The following TMEM45B variants were observed in gnomAD, a reference collection of about 807,000 sequenced individuals.
The protein encoded by TMEM45B is transmembrane protein 45B.
A neutral mutation model predicts 27.3 loss-of-function variants in TMEM45B; 29 were observed. The observed-to-expected ratio is 1.06, with a 90% CI of 0.79 to 1.45. The LOEUF is 1.45. Ranked by LOEUF, TMEM45B falls within the 40% of genes most tolerant of loss-of-function variation. The pLI is 0.00. For synonymous variants in TMEM45B, 143 were observed against 134.7 expected, an observed-to-expected ratio of 1.06 and a Z score of -0.43; for missense variants, 348 against 343.9, an observed-to-expected ratio of 1.01 and a Z score of -0.09.
chr11:129,850,041 C>T (rs1312152000), intron 1 of TMEM45B, among the ~76,000 whole-genome samples: 1 of 152,192 alleles, frequency 6.6e-6, no homozygotes, highest in African/African-American at 2.4e-5. Context: ...CTCTCCTACA[C>T]ACACGTTTTT....
chr11:129,832,870 T>G (rs1415973864), intron 1 of TMEM45B, among the ~76,000 whole-genome samples: 1 of 152,268 alleles, frequency 6.6e-6, no homozygotes, highest in South Asian at 2.1e-4. Flanking sequence ...TTAGTAAGGT[T>G]GAAATCTTTG....
Position 129,858,584 on chromosome 11 carries a change from C to G in TMEM45B, c.727C>G (p.Arg243Gly). ...NYSLVYCLLT[R>G]MKRHGRGEII... The stretch of plus-strand genomic sequence containing the variant: ...CTTTCTCTATTAAAGCCTTTTGACT[C>G]GGATGAAGAGACACGGAAGGGGAGA... The change falls in exon 6 of 6, where the codon CGG becomes GGG. Residue 243 changes from arginine (R) to glycine (G), a missense_variant. Physicochemically the swap from Arg to Gly is moderately radical, Grantham distance 125. Coordinates refer to ENST00000281441, the MANE Select transcript of TMEM45B (RefSeq NM_138788.5). The G allele has an allele frequency of 2.5e-6, 4 of 1,583,710 alleles. No individual in the cohort carries two copies.
At chr11:129,847,251 G>A (rs939149320) in intron 1 of TMEM45B, among the ~76,000 whole-genome samples, 9 of 152,116 alleles carry the variant, frequency 5.9e-5, no homozygotes, top group African/African-American at 2.2e-4. Context: ...TACAATGGTG[G>A]AGGTAAATAC....
chr11:129,823,322 C>T (rs1947442937), intron 1 of TMEM45B, among the ~76,000 whole-genome samples: 1 of 152,138 alleles, frequency 6.6e-6, no homozygotes, highest in African/African-American at 2.4e-5. Context: ...GGAACAGATA[C>T]TACGTTTGAT....
chr11:129,851,008 G>C (rs1947839245), intron 1 of TMEM45B, among the ~76,000 whole-genome samples: 1 of 152,164 alleles, frequency 6.6e-6, no homozygotes, highest in Non-Finnish European at 1.5e-5. Context: ...TCCCTGTTGT[G>C]CTGATATCAC....
chr11:129,828,767 C>T (rs1281966083), intron 1 of TMEM45B, among the ~76,000 whole-genome samples: 2 of 152,306 alleles, frequency 1.3e-5, no homozygotes, highest in Non-Finnish European at 2.9e-5. Flanking sequence ...CTATAACCTA[C>T]TTCCTTACTG....
intron 3 of TMEM45B, 121 bp from the exon 4 acceptor site, chr11:129,855,587 G>A: frequency 1.1e-6 from 1 of 907,686 alleles, no homozygotes; most frequent in Non-Finnish European, 1.8e-6. Flanking sequence ...TTTGCTGCCT[G>A]TAATGTTATG....
intron 1 of TMEM45B, among the ~76,000 whole-genome samples, chr11:129,819,237 T>G (rs1947388853): frequency 6.6e-6 from 1 of 152,190 alleles, no homozygotes; most frequent in South Asian, 2.1e-4. Flanking sequence ...CAGATAAACA[T>G]CTGAAAAAGT....
intron 1 of TMEM45B, among the ~76,000 whole-genome samples, chr11:129,823,593 C>T (rs186224684): frequency 6.6e-6 from 1 of 152,208 alleles, no homozygotes; most frequent in East Asian, 1.9e-4. Context: ...CCTACCTGTC[C>T]CCTTGCTATT....
chr11:129,857,200 G>T, intron 4 of TMEM45B, 113 bp from the exon 5 acceptor site: 2 of 1,256,644 alleles, frequency 1.6e-6, no homozygotes, highest in Non-Finnish European at 1.1e-6. Context: ...ACGAAGTGTG[G>T]GAACTATGAG....
chr11:129,833,232 T>G (rs1330096214), intron 1 of TMEM45B, among the ~76,000 whole-genome samples: 1 of 143,730 alleles, frequency 7.0e-6, no homozygotes, highest in African/African-American at 2.6e-5. Flanking sequence ...AGAGGGAGAC[T>G]CTGTCTCAAA....
intron 4 of TMEM45B, among the ~76,000 whole-genome samples, chr11:129,857,095 G>A (rs1051066124): frequency 1.2e-4 from 18 of 151,708 alleles, no homozygotes; most frequent in Non-Finnish European, 2.1e-4. Context: ...CTTGTAAACC[G>A]CCTGCCTCAG....
In TMEM45B at chr11:129,858,626, A is replaced by C. The variant is rs1297192964; in HGVS notation, c.769A>C (p.Lys257Gln). ...AAGGGGAGAAATCATTGGAATTCAG[A>C]AGCTGAATTCAGATGACACTTACCA... ...HGRGEIIGIQ[K>Q]LNSDDTYQTA... The change falls in exon 6 of 6, where the codon AAG becomes CAG. Residue 257 changes from lysine (K) to glutamine (Q), a missense_variant. By Grantham distance (53) the Lys-to-Gln change is moderately conservative. Coordinates refer to ENST00000281441, the MANE Select transcript of TMEM45B (RefSeq NM_138788.5). 1.3e-6 allele frequency: 2 copies of C among 1,586,422 alleles called. No homozygotes were observed. The highest frequency in any genetic ancestry group is 1.7e-6 in the Non-Finnish European group (2 of 1,165,336).
chr11:129,856,243 ACCCTGTCAC>A (rs1229822240), intron 4 of TMEM45B, among the ~76,000 whole-genome samples: 3 of 152,074 alleles, frequency 2.0e-5, no homozygotes, highest in Non-Finnish European at 4.4e-5. Context: ...AGAGAGACTC[ACCCTGTCAC>A]CCAGGCTAGA....
intron 1 of TMEM45B, among the ~76,000 whole-genome samples, chr11:129,843,605 G>GAAA (rs148673798): frequency 7.3e-6 from 1 of 137,050 alleles, no homozygotes; most frequent in Non-Finnish European, 1.6e-5. Context: ...TCTGCTTTGA[G>GAAA]AAAAAAAAAA....
chr11:129,816,009 G>A, intron 1 of TMEM45B, 111 bp downstream of exon 1: 2 of 1,231,148 alleles, frequency 1.6e-6, no homozygotes, highest in Non-Finnish European at 1.0e-6. Context: ...ACTCGCAGGG[G>A]ACCTGCGGGG....
chr11:129,822,841 CTT>C (rs981694529), intron 1 of TMEM45B, among the ~76,000 whole-genome samples: 19 of 134,056 alleles, frequency 1.4e-4, no homozygotes, highest in Non-Finnish European at 1.3e-4. Flanking sequence ...AAACATTTTT[CTT>C]TTTTTTTTTT....
intron 1 of TMEM45B, among the ~76,000 whole-genome samples, chr11:129,826,630 G>C (rs1046332479): frequency 6.7e-6 from 1 of 150,264 alleles, no homozygotes; most frequent in African/African-American, 2.4e-5. Flanking sequence ...CAGCATTCAG[G>C]CTAGGACCCA....
At position 129,854,876 on chromosome 11, in the gene TMEM45B, T is replaced by C. The variant is rs186818758; in HGVS notation, c.385+60T>C. 73 of 1,568,864 alleles carry C rather than the reference T, an allele frequency of 4.7e-5. No homozygotes were observed. The African/African-American group carries it at 5.9e-4, about 13-fold the overall frequency. On this transcript the variant is annotated intron_variant, in intron 3 of 5. Transcript: ENST00000281441. Reference sequence around the variant, plus strand: ...CCTGACAAGTCATATTTATGAAGGATCAGAGTACAAAATATCAGAAATGTT... The same window carrying C: ...CCTGACAAGTCATATTTATGAAGGACCAGAGTACAAAATATCAGAAATGTT...
Sources: gnomAD v4.1 joint callset for allele counts (sites outside exome capture counted in the v4.1 genomes callset) on GRCh38, gnomAD v4.1.1 for gene constraint, MANE v1.5 for transcripts, NCBI Gene and HGNC (gene_info 2026-07-23, HGNC 2026-07-21) for gene names.